The following KIAA1217 variants were observed in gnomAD, a reference collection of about 807,000 sequenced individuals.
KIAA1217 encodes the protein sickle tail protein homolog.
KIAA1217 carries 88 observed loss-of-function variants against 163.9 expected under a neutral mutation model. That is an observed-to-expected ratio of 0.54 (90% CI 0.45 to 0.64). The LOEUF is 0.64. Among genes scored for constraint, KIAA1217 ranks in the 30% least tolerant of loss-of-function variants. KIAA1217 has a pLI of 0.00. For missense variants in KIAA1217, 2,372 were observed against 2,475.0 expected (o/e 0.96, Z 0.88); for synonymous variants, 903 against 923.1 (o/e 0.98, Z 0.39).
chr10:23,931,727 G>A lies in KIAA1217; in HGVS notation c.-320-75498G>A, dbSNP rs568821113. On this transcript the variant is annotated intron_variant, in intron 1 of 18. Coordinates refer to the KIAA1217 transcript ENST00000376462. ...TGGGTGGGGTTAGTTTCATCTTCTC[G>A]TATTTTACTTTAATATATGGCAGAT... 7.9e-5 allele frequency among the ~76,000 whole-genome samples: 12 copies of A among 152,090 alleles called. No individual in the cohort carries two copies. In the South Asian group the frequency reaches 1.7e-3, roughly 21 times the overall value.
chr10:23,938,693 G>T (rs1322626466), intron 1 of KIAA1217, among the ~76,000 whole-genome samples: 1 of 151,966 alleles, frequency 6.6e-6, no homozygotes, highest in African/African-American at 2.4e-5. Flanking sequence ...ATGTGCCTCG[G>T]TTATGTGCAA....
At chr10:24,261,735 A>G (rs1257704186) in intron 2 of KIAA1217, among the ~76,000 whole-genome samples, 1 of 152,164 alleles carries the variant, frequency 6.6e-6, no homozygotes, top group Non-Finnish European at 1.5e-5. Context: ...TACCGTAACC[A>G]GGACTCTGAG....
chr10:24,415,114 T>C lies in KIAA1217; in HGVS notation c.554-17881T>C, dbSNP rs79072916. On this transcript the variant is annotated intron_variant, in intron 3 of 20. Transcript: ENST00000376454. The stretch of plus-strand genomic sequence containing the variant: ...GCATGGTAGCCTGATCTCTCTCTTT[T>C]TTTTTTTTTTTTTTTTTGAGATAGA... 3.0e-3 allele frequency among the ~76,000 whole-genome samples: 381 copies of C among 128,128 alleles called. 3 individuals are homozygous for C. The highest frequency in any genetic ancestry group is 0.01 in the African/African-American group (369 of 35,382). The allele number at this position is 128,128 out of a possible 152,430, so 84.1% of individuals were successfully genotyped here. A position where few individuals can be genotyped will look rare whatever the true frequency, so the allele number is the denominator to read the frequency against.
chr10:24,170,212 T>C (rs781116237), intron 2 of KIAA1217, among the ~76,000 whole-genome samples: 2 of 152,262 alleles, frequency 1.3e-5, no homozygotes. Flanking sequence ...TTCAATATTT[T>C]GCAGCACTGG....
intron 1 of KIAA1217, among the ~76,000 whole-genome samples, chr10:23,786,793 T>C (rs1402418572): frequency 6.6e-6 from 1 of 151,892 alleles, no homozygotes; most frequent in African/African-American, 2.4e-5. Flanking sequence ...ATACCACACC[T>C]GACCACAGAG....
chr10:24,273,484 A>G (rs181639482), intron 2 of KIAA1217, among the ~76,000 whole-genome samples: 2 of 152,248 alleles, frequency 1.3e-5, no homozygotes, highest in South Asian at 2.1e-4. Flanking sequence ...GTCCCAGTCC[A>G]GTGAGGGTGT....
At chr10:24,242,091 T>A (rs2073177848) in intron 2 of KIAA1217, among the ~76,000 whole-genome samples, 1 of 152,204 alleles carries the variant, frequency 6.6e-6, no homozygotes, top group African/African-American at 2.4e-5. Flanking sequence ...CAAGGGTAGA[T>A]CTATAAGGAG....
chr10:23,711,699 A>AAGT (rs934329476), intron 1 of KIAA1217, among the ~76,000 whole-genome samples: 3 of 152,242 alleles, frequency 2.0e-5, no homozygotes, highest in African/African-American at 7.2e-5. Context: ...GTGAAGGACA[A>AAGT]AGTAACCCTG....
intron 3 of KIAA1217, among the ~76,000 whole-genome samples, chr10:24,430,890 T>C (rs1411808396): frequency 6.6e-6 from 1 of 152,210 alleles, no homozygotes; most frequent in Non-Finnish European, 1.5e-5. Flanking sequence ...AGCCAAGGAC[T>C]GGTACTGGTT....
chr10:23,949,876 CTG>C (rs1360071423), intron 1 of KIAA1217, among the ~76,000 whole-genome samples: 1 of 152,160 alleles, frequency 6.6e-6, no homozygotes, highest in Non-Finnish European at 1.5e-5. Context: ...GCATTAAACT[CTG>C]GAATCACAAT....
chr10:24,287,542 C>G (rs2078663324), intron 2 of KIAA1217, among the ~76,000 whole-genome samples: 1 of 152,166 alleles, frequency 6.6e-6, no homozygotes, highest in South Asian at 2.1e-4. Flanking sequence ...TTATATTTTT[C>G]CCCAAAGCTC....
chr10:23,774,156 T>A (rs1312170956), intron 1 of KIAA1217, among the ~76,000 whole-genome samples: 1 of 152,012 alleles, frequency 6.6e-6, no homozygotes, highest in Non-Finnish European at 1.5e-5. Flanking sequence ...TTTATCAAAG[T>A]CCATTAGGGA....
At chr10:24,049,474 G>C (rs188939849) in intron 2 of KIAA1217, among the ~76,000 whole-genome samples, 2 of 152,170 alleles carry the variant, frequency 1.3e-5, no homozygotes, top group East Asian at 3.9e-4. Flanking sequence ...TTGTTACATA[G>C]GTATAGACAT....
In KIAA1217 at chr10:23,760,757, A is replaced by G. The variant is rs368566917; in HGVS notation, c.-321+65523A>G. Among the ~76,000 whole-genome samples, 6 of 152,272 alleles carry G rather than the reference A, an allele frequency of 3.9e-5. No individual in the cohort carries two copies. The East Asian group carries it at 7.7e-4, about 20-fold the overall frequency. ...GGAGTTTGAGACCAGCCTGAGCAAC[A>G]TAGCAAGACCCTGTCTCTGCAAAAA... On this transcript the variant is annotated intron_variant, in intron 1 of 18. Transcript: ENST00000376462.
chr10:23,737,691 C>A (rs1322818887), intron 1 of KIAA1217, among the ~76,000 whole-genome samples: 1 of 152,106 alleles, frequency 6.6e-6, no homozygotes, highest in Non-Finnish European at 1.5e-5. Context: ...TTCTGTTTTT[C>A]ATTCTGTTAC....
chr10:24,110,204 C>G (rs192324778), intron 2 of KIAA1217, among the ~76,000 whole-genome samples: 34 of 152,134 alleles, frequency 2.2e-4, no homozygotes, highest in Non-Finnish European at 4.4e-4. Context: ...TGTCTTCGTC[C>G]GAAGACAAAC....
At chr10:23,761,829 T>A (rs974672708) in intron 1 of KIAA1217, among the ~76,000 whole-genome samples, 4 of 152,126 alleles carry the variant, frequency 2.6e-5, no homozygotes, top group Non-Finnish European at 5.9e-5. Flanking sequence ...CTGGTGTTTT[T>A]TTTTGTTAAA....
At chr10:24,018,390 G>A (rs1306382852) in intron 2 of KIAA1217, among the ~76,000 whole-genome samples, 1 of 151,988 alleles carries the variant, frequency 6.6e-6, no homozygotes, top group Non-Finnish European at 1.5e-5. Flanking sequence ...TTAATCATCG[G>A]ATTAGACTTA....
intron 2 of KIAA1217, among the ~76,000 whole-genome samples, chr10:24,130,510 T>C (rs1589609548): frequency 6.6e-6 from 1 of 152,164 alleles, no homozygotes; most frequent in African/African-American, 2.4e-5. Context: ...ATGATGATGG[T>C]AGTATCCAAC....
Sources: gnomAD v4.1 joint callset for allele counts (sites outside exome capture counted in the v4.1 genomes callset) on GRCh38, gnomAD v4.1.1 for gene constraint, MANE v1.5 for transcripts, NCBI Gene and HGNC (gene_info 2026-07-23, HGNC 2026-07-21) for gene names.